The following AFF1 variants were observed in gnomAD, a reference collection of about 807,000 sequenced individuals.
AFF1 encodes the protein ALF transcription elongation factor 1.
AFF1 carries 48 observed loss-of-function variants against 121.7 expected under a neutral mutation model. That is an observed-to-expected ratio of 0.39 (90% CI 0.31 to 0.50). The LOEUF (loss-of-function observed/expected upper bound fraction) is 0.50, where lower values mean the gene tolerates loss of function less well. Ranked by LOEUF, AFF1 falls within the 20% of genes least tolerant of loss-of-function variation. The probability of loss-of-function intolerance (pLI) is 0.76; values close to 1 mark genes in which losing one functional copy is unlikely to be tolerated. For synonymous variants in AFF1, 613 were observed against 563.0 expected, an observed-to-expected ratio of 1.09 and a Z score of -1.26; for missense variants, 1,523 against 1,511.7, an observed-to-expected ratio of 1.01 and a Z score of -0.12.
At chr4:86,938,334 C>T (rs188812047) in intron 1 of AFF1, among the ~76,000 whole-genome samples, 5 of 151,866 alleles carry the variant, frequency 3.3e-5, no homozygotes, top group Admixed American at 2.0e-4. Context: ...CCTGTAATTA[C>T]GCTTCCTCGG....
At chr4:86,998,761 A>AG (rs1303690317) in intron 2 of AFF1, among the ~76,000 whole-genome samples, 3 of 152,226 alleles carry the variant, frequency 2.0e-5, no homozygotes, top group African/African-American at 4.8e-5. Context: ...TATTCAGTGG[A>AG]GGGGGTGGTA....
intron 4 of AFF1, among the ~76,000 whole-genome samples, chr4:87,074,712 A>G (rs1268640512): frequency 1.3e-5 from 2 of 152,230 alleles, no homozygotes; most frequent in African/African-American, 4.8e-5. Context: ...TGTACCTTTT[A>G]TATGTACTGT....
At position 87,017,069 on chromosome 4, in the gene AFF1, ATATGTGTG is replaced by A. The variant is rs1466952708; in HGVS notation, c.39-29095_39-29088del. Among the ~76,000 whole-genome samples the A allele has an allele frequency of 4.1e-5, 6 of 144,894 alleles. No individual in the cohort carries two copies. The Admixed American group carries it at 4.2e-4, about 10-fold the overall frequency. ...TACATACAAGACTTTGGACATATAT[ATATGTGTG>A]TGTGTGTATGTGTATATATATGTGT... On this transcript the variant is annotated intron_variant, in intron 2 of 20. Coordinates refer to ENST00000395146, the MANE Select transcript of AFF1 (RefSeq NM_001166693.3).
rs573184919 is a variant in AFF1 at position 87,134,409 on chromosome 4, C to T, written c.3312-62C>T. 7 of 1,418,420 alleles carry T rather than the reference C, an allele frequency of 4.9e-6. No individual in the cohort carries two copies. The East Asian group carries it at 1.6e-4, about 33-fold the overall frequency. The allele number at this position is 1,418,420 out of a possible 1,614,324, so 87.9% of individuals were successfully genotyped here. ...GGACTGTAGTTCCAGACACGTAAAT[C>T]TGTGATCCAGGGGTCTACTGGTGAC... On this transcript the variant is annotated intron_variant, in intron 19 of 20. Transcript: ENST00000395146.
At chr4:87,017,693 C>G (rs1313421394) in intron 2 of AFF1, among the ~76,000 whole-genome samples, 1 of 152,192 alleles carries the variant, frequency 6.6e-6, no homozygotes, top group Non-Finnish European at 1.5e-5. Flanking sequence ...TGTTCTCATT[C>G]ACTAGAGCCT....
At chr4:87,011,924 A>G (rs1486628366) in intron 2 of AFF1, among the ~76,000 whole-genome samples, 1 of 152,232 alleles carries the variant, frequency 6.6e-6, no homozygotes. Context: ...TGGATTTTAT[A>G]CCATACCGTG....
At chr4:87,048,056 T>A in intron 4 of AFF1, 1 of 171,868 alleles carries the variant, frequency 5.8e-6, no homozygotes, top group East Asian at 1.5e-4. Flanking sequence ...TCAGACCCAG[T>A]TAATTTTTCC....
intron 7 of AFF1, among the ~76,000 whole-genome samples, chr4:87,093,764 A>G (rs1313592317): frequency 1.3e-5 from 2 of 152,232 alleles, no homozygotes; most frequent in African/African-American, 2.4e-5. Context: ...CAAATATGCA[A>G]GGGTCTCCAC....
intron 2 of AFF1, chr4:87,007,540 C>A: frequency 7.3e-7 from 1 of 1,360,578 alleles, no homozygotes; most frequent in Non-Finnish European, 1.0e-6. Flanking sequence ...TTGTCATTGC[C>A]TTCTCATCAT....
chr4:86,982,939 G>T (rs1164934367), intron 2 of AFF1, among the ~76,000 whole-genome samples: 1 of 151,230 alleles, frequency 6.6e-6, no homozygotes, highest in Non-Finnish European at 1.5e-5. Context: ...TTTTAACCAG[G>T]AAGTGAGCCT....
At chr4:86,937,105 G>C (rs1720064320) in intron 1 of AFF1, among the ~76,000 whole-genome samples, 2 of 152,186 alleles carry the variant, frequency 1.3e-5, no homozygotes, top group Admixed American at 1.3e-4. Context: ...GAGACTTGCA[G>C]GTATGTTGCT....
intron 4 of AFF1, among the ~76,000 whole-genome samples, chr4:87,052,606 A>G (rs1459806832): frequency 6.6e-6 from 1 of 151,234 alleles, no homozygotes; most frequent in African/African-American, 2.4e-5. Flanking sequence ...AATTTTGAGC[A>G]GGGGAGGGAC....
chr4:87,081,152 ATTTTTTTTTTTTTTTT>A, intron 4 of AFF1, among the ~76,000 whole-genome samples: 1 of 89,722 alleles, frequency 1.1e-5, no homozygotes, highest in South Asian at 4.8e-4. Context: ...AATGAAATGA[ATTTTTTTTTTTTTTTT>A]TTTTTTTTTT....
At chr4:87,036,530 C>T (rs1457468460) in intron 2 of AFF1, among the ~76,000 whole-genome samples, 1 of 152,114 alleles carries the variant, frequency 6.6e-6, no homozygotes, top group African/African-American at 2.4e-5. Context: ...CATGGGAATA[C>T]ATTAGCTCAT....
intron 2 of AFF1, among the ~76,000 whole-genome samples, chr4:86,956,547 T>G (rs1216446958): frequency 6.6e-6 from 1 of 152,214 alleles, no homozygotes; most frequent in Non-Finnish European, 1.5e-5. Context: ...CAATCCAGCT[T>G]TAGAACATTT....
chr4:87,000,556 T>C (rs28495374), intron 2 of AFF1, among the ~76,000 whole-genome samples: 9,987 of 152,130 alleles, frequency 0.066, 630 homozygotes, highest in African/African-American at 0.16. Flanking sequence ...GCAACTTTTT[T>C]GTAAATCTAA....
chr4:87,055,905 G>A (rs977895000), intron 4 of AFF1, among the ~76,000 whole-genome samples: 1 of 152,174 alleles, frequency 6.6e-6, no homozygotes, highest in Admixed American at 6.5e-5. Context: ...AACTTTGCAT[G>A]TTCACATTTC....
rs781583463 is a variant in AFF1 at position 87,047,315 on chromosome 4, C to T, written c.780C>T (p.Val260=). ...CTCCCAAGGACCTAGCAGTGAAAGTCCATGATAAAGAGACCCCTCAAGACA... is the reference window on the plus strand; with the variant it reads ...CTCCCAAGGACCTAGCAGTGAAAGTTCATGATAAAGAGACCCCTCAAGACA... ...AKSPKDLAVK[V]HDKETPQDSL... The change falls in exon 4 of 21, where the codon GTC becomes GTT. Residue 260 remains valine, a synonymous_variant. Transcript: ENST00000395146. 1 of 1,614,148 alleles carries T rather than the reference C, an allele frequency of 6.2e-7. No homozygotes were observed. Among genetic ancestry groups the T allele is most frequent in the Non-Finnish European group, 8.5e-7 (1 of 1,180,014 alleles).
chr4:86,997,761 C>CAA (rs11368694), intron 2 of AFF1, among the ~76,000 whole-genome samples: 2,827 of 131,828 alleles, frequency 0.021, 40 homozygotes, highest in Non-Finnish European at 0.026. Flanking sequence ...GACTCCATCT[C>CAA]AAAAAAAAAA....
Sources: allele counts gnomAD v4.1 joint callset (sites outside exome capture counted in the v4.1 genomes callset), GRCh38; gene constraint gnomAD v4.1.1; transcripts MANE v1.5; gene names NCBI Gene and HGNC (gene_info 2026-07-23, HGNC 2026-07-21).